Variants in SPOCK1 observed in about 807,000 individuals in gnomAD.
SPOCK1 encodes the protein SPARC (osteonectin), cwcv and kazal like domains proteoglycan 1.
SPOCK1 carries 23 observed loss-of-function variants against 55.3 expected under a neutral mutation model. That is an observed-to-expected ratio of 0.42 (90% CI 0.30 to 0.59). SPOCK1 has a LOEUF of 0.59. Ranked by LOEUF, SPOCK1 falls within the 20% of genes least tolerant of loss-of-function variation. The probability of loss-of-function intolerance (pLI) is 0.22; values close to 1 mark genes in which losing one functional copy is unlikely to be tolerated. For synonymous variants in SPOCK1, 226 were observed against 221.0 expected (o/e 1.02, Z -0.20); for missense variants, 499 against 552.5 (o/e 0.90, Z 0.97).
At chr5:136,997,701 A>G (rs1333344081) in intron 6 of SPOCK1, among the ~76,000 whole-genome samples, 1 of 152,164 alleles carries the variant, frequency 6.6e-6, no homozygotes, top group African/African-American at 2.4e-5. Flanking sequence ...CAATTCCTCC[A>G]TCAGATCTTG....
At chr5:136,987,867 C>G (rs1447566472) in intron 8 of SPOCK1, among the ~76,000 whole-genome samples, 1 of 152,202 alleles carries the variant, frequency 6.6e-6, no homozygotes, top group Admixed American at 6.5e-5. Flanking sequence ...AATCCCCCAG[C>G]AGGCCAACCT....
Position 137,062,313 on chromosome 5 carries a change from C to T in SPOCK1, c.589+5402G>A, listed in dbSNP as rs1012479294. Among the ~76,000 whole-genome samples, 6 of 152,060 alleles carry T rather than the reference C, an allele frequency of 3.9e-5. 1 individual carries two copies. The highest frequency in any genetic ancestry group is 3.9e-4 in the Admixed American group (6 of 15,270). On this transcript the variant is annotated intron_variant, in intron 6 of 10. Transcript: ENST00000394945. ...AGTCCTCACCTCGGGGAAGGGGAAGCTCCAAATCCCTTCTCAGATGAGGTG... is the reference window on the plus strand; with the variant it reads ...AGTCCTCACCTCGGGGAAGGGGAAGTTCCAAATCCCTTCTCAGATGAGGTG...
chr5:137,279,563 C>T (rs569675599), intron 2 of SPOCK1, among the ~76,000 whole-genome samples: 10 of 152,234 alleles, frequency 6.6e-5, no homozygotes, highest in South Asian at 4.1e-4. Context: ...GACAAAAGGC[C>T]GTGAAGCATG....
chr5:137,221,512 G>A (rs1254607590), intron 3 of SPOCK1, among the ~76,000 whole-genome samples: 4 of 152,092 alleles, frequency 2.6e-5, no homozygotes, highest in Admixed American at 6.6e-5. Flanking sequence ...TCCGGGTGTC[G>A]AAAACAGCAT....
Position 137,390,311 on chromosome 5 carries a change from G to A in SPOCK1, c.186+108062C>T, listed in dbSNP as rs139971305. Among the ~76,000 whole-genome samples, 604 of 152,260 alleles carry A rather than the reference G, an allele frequency of 4.0e-3. 7 individuals are homozygous for A. Among genetic ancestry groups the A allele is most frequent in the African/African-American group, 0.013 (555 of 41,534 alleles). ...TAAGCAAATAAAGGACATTTGTTCC[G>A]TGGCTGCTAATGCAATGACCCCTGG... On this transcript the variant is annotated intron_variant, in intron 2 of 10. Transcript: ENST00000394945.
At chr5:137,197,082 T>C (rs1755315109) in intron 3 of SPOCK1, among the ~76,000 whole-genome samples, 1 of 152,146 alleles carries the variant, frequency 6.6e-6, no homozygotes, top group Non-Finnish European at 1.5e-5. Flanking sequence ...GACAACACGA[T>C]CAGGATCTTA....
At chr5:137,383,450 G>A (rs955372775) in intron 2 of SPOCK1, among the ~76,000 whole-genome samples, 3 of 152,170 alleles carry the variant, frequency 2.0e-5, no homozygotes, top group Non-Finnish European at 4.4e-5. Flanking sequence ...AGACGGGATG[G>A]AAACAGATTT....
intron 2 of SPOCK1, among the ~76,000 whole-genome samples, chr5:137,400,816 G>C (rs1313027475): frequency 1.4e-4 from 21 of 152,218 alleles, no homozygotes; most frequent in Admixed American, 1.3e-3. Context: ...CCAAAGAACA[G>C]CTGGCAAGGA....
chr5:136,979,676 G>A (rs1750689620), intron 9 of SPOCK1, among the ~76,000 whole-genome samples: 3 of 152,268 alleles, frequency 2.0e-5, no homozygotes. Context: ...GGATGTCAGT[G>A]TTTAAACGGG....
chr5:137,112,400 T>G, intron 5 of SPOCK1, 35 bp downstream of exon 5: 1 of 1,605,990 alleles, frequency 6.2e-7, no homozygotes, highest in Non-Finnish European at 8.5e-7. Flanking sequence ...CGACATGAAG[T>G]ATTTTTGATA....
intron 2 of SPOCK1, among the ~76,000 whole-genome samples, chr5:137,402,026 T>C (rs530922805): frequency 1.3e-5 from 2 of 152,284 alleles, no homozygotes; most frequent in African/African-American, 4.8e-5. Flanking sequence ...AAATGATGCA[T>C]TTATTAGTGT....
intron 3 of SPOCK1, among the ~76,000 whole-genome samples, chr5:137,192,606 G>A (rs1477403232): frequency 1.3e-5 from 2 of 152,222 alleles, no homozygotes; most frequent in Non-Finnish European, 2.9e-5. Context: ...CCTAACCAGG[G>A]CACTGAAGGG....
intron 6 of SPOCK1, among the ~76,000 whole-genome samples, chr5:137,062,537 T>TAAA (rs1752413148): frequency 6.9e-6 from 1 of 144,556 alleles, no homozygotes; most frequent in Non-Finnish European, 1.5e-5. Flanking sequence ...ATAATAATAA[T>TAAA]AATAATAATA....
intron 3 of SPOCK1, among the ~76,000 whole-genome samples, chr5:137,147,139 T>C (rs1393193500): frequency 6.6e-6 from 1 of 152,162 alleles, no homozygotes; most frequent in East Asian, 1.9e-4. Context: ...ACAGCCTTTT[T>C]TGGGGGTCAA....
intron 7 of SPOCK1, among the ~76,000 whole-genome samples, chr5:136,991,562 G>C (rs1750947878): frequency 6.6e-6 from 1 of 152,186 alleles, no homozygotes; most frequent in Non-Finnish European, 1.5e-5. Flanking sequence ...ATTACTTTCA[G>C]AAATTCCAAA....
At chr5:137,293,701 A>AG (rs1313245745) in intron 2 of SPOCK1, among the ~76,000 whole-genome samples, 1 of 152,236 alleles carries the variant, frequency 6.6e-6, no homozygotes, top group African/African-American at 2.4e-5. Flanking sequence ...CACTTGCTGT[A>AG]GGGCAGCGCC....
At chr5:137,072,097 GAAAC>G (rs1752632221) in intron 5 of SPOCK1, among the ~76,000 whole-genome samples, 1 of 152,188 alleles carries the variant, frequency 6.6e-6, no homozygotes, top group Admixed American at 6.5e-5. Context: ...CTGCTGGAAA[GAAAC>G]AAAACAAAAA....
At chr5:137,229,335 T>C (rs1266667827) in intron 3 of SPOCK1, among the ~76,000 whole-genome samples, 1 of 152,068 alleles carries the variant, frequency 6.6e-6, no homozygotes, top group Admixed American at 6.6e-5. Flanking sequence ...GGAATACACC[T>C]CCCTAGCTCA....
At chr5:137,112,908 T>C (rs1267061774) in intron 4 of SPOCK1, among the ~76,000 whole-genome samples, 1 of 150,916 alleles carries the variant, frequency 6.6e-6, no homozygotes, top group African/African-American at 2.4e-5. Context: ...ATGTGGCATA[T>C]CACGGGTGCC....
Sources: allele counts gnomAD v4.1 joint callset (sites outside exome capture counted in the v4.1 genomes callset), GRCh38; gene constraint gnomAD v4.1.1; transcripts MANE v1.5; gene names NCBI Gene and HGNC (gene_info 2026-07-23, HGNC 2026-07-21).